ADGB: variants seen among roughly 807,000 people sequenced by gnomAD.
The protein encoded by ADGB is androglobin.
Under a neutral mutation model 210.5 loss-of-function variants are expected in ADGB, and 172 were observed. That is an observed-to-expected ratio of 0.82 (90% CI 0.72 to 0.93). The LOEUF is 0.93. Among genes scored for constraint, ADGB ranks in the 40% least tolerant of loss-of-function variants. ADGB has a pLI of 0.00. For synonymous variants in ADGB, 658 were observed against 662.7 expected (o/e 0.99, Z 0.11); for missense variants, 2,025 against 1,964.8 (o/e 1.03, Z -0.58).
At chr6:146,624,281 CAATTT>C (rs1780941001) in intron 1 of ADGB, among the ~76,000 whole-genome samples, 1 of 151,666 alleles carries the variant, frequency 6.6e-6, no homozygotes, top group African/African-American at 2.4e-5. Flanking sequence ...ATCTCCAATC[CAATTT>C]ATTTCTTCTT....
chr6:146,664,093 A>G, intron 5 of ADGB, 108 bp from the exon 6 acceptor site: 1 of 1,124,782 alleles, frequency 8.9e-7, no homozygotes, highest in Non-Finnish European at 1.2e-6. Context: ...AAGATGCTAA[A>G]ATAAAATTGG....
chr6:146,801,838 A>C lies in ADGB; in HGVS notation c.4645A>C (p.Thr1549Pro). The C allele has an allele frequency of 6.5e-7, 1 of 1,542,736 alleles. No homozygotes were observed. The highest frequency in any genetic ancestry group is 8.7e-7 in the Non-Finnish European group (1 of 1,142,956). The change falls in exon 35 of 36, where the codon ACA (threonine) becomes CCA (proline). Residue 1549 changes from threonine to proline, a missense_variant. By Grantham distance (38) the Thr-to-Pro change is conservative. Transcript: ENST00000397944. ...GACTTTTGTATCAAGGAAAACAGATACAGATCCTCTGCTGCAAACAGATGA... is the reference window on the plus strand; with the variant it reads ...GACTTTTGTATCAAGGAAAACAGATCCAGATCCTCTGCTGCAAACAGATGA... Reference protein sequence around the residue: ...DLSQYVRKTDTDPLLQTDELN... With the variant: ...DLSQYVRKTDPDPLLQTDELN...
rs972630518 is a variant in ADGB, at chr6:146,676,308, G to C, written c.1088-5G>C. The stretch of plus-strand genomic sequence containing the variant: ...AATATTTATTGTGATTTTTTCATAT[G>C]TTAGAGAAAGCAGATGCAAGAGACA... On this transcript the variant is annotated splice_region_variant and splice_polypyrimidine_tract_variant and intron_variant, in intron 8 of 35. Coordinates refer to ENST00000397944, the MANE Select transcript of ADGB (RefSeq NM_024694.4). 3 of 1,538,870 alleles carry C rather than the reference G, an allele frequency of 1.9e-6. No homozygotes were observed. In the East Asian group the frequency reaches 7.4e-5, roughly 38 times the overall value.
intron 1 of ADGB, among the ~76,000 whole-genome samples, chr6:146,620,446 T>A (rs1780871246): frequency 6.6e-6 from 1 of 152,114 alleles, no homozygotes; most frequent in African/African-American, 2.4e-5. Context: ...GTCCCATAAT[T>A]CTTGTAGGTT....
chr6:146,628,647 T>A (rs1781015681), intron 1 of ADGB, among the ~76,000 whole-genome samples: 1 of 152,052 alleles, frequency 6.6e-6, no homozygotes, highest in African/African-American at 2.4e-5. Context: ...TTCTTGCCTC[T>A]GAACTGTCTC....
chr6:146,713,992 CTTAT>C (rs1157273418), intron 13 of ADGB, among the ~76,000 whole-genome samples: 1 of 152,000 alleles, frequency 6.6e-6, no homozygotes, highest in Non-Finnish European at 1.5e-5. Flanking sequence ...GTAGAAGTTT[CTTAT>C]TTGATAGATG....
chr6:146,614,416 ATCCTGTCCTT>A (rs1280625723), intron 1 of ADGB, among the ~76,000 whole-genome samples: 1 of 152,124 alleles, frequency 6.6e-6, no homozygotes, highest in African/African-American at 2.4e-5. Context: ...TAATCCTTTC[ATCCTGTCCTT>A]TCCTGTTATC....
At chr6:146,655,413 C>A (rs78490913) in intron 4 of ADGB, among the ~76,000 whole-genome samples, 1 of 152,108 alleles carries the variant, frequency 6.6e-6, no homozygotes, top group African/African-American at 2.4e-5. Flanking sequence ...CATCTCCCCA[C>A]CTCCTACTCC....
intron 3 of ADGB, among the ~76,000 whole-genome samples, chr6:146,647,093 AAAAACAAAAAAC>A (rs1172104448): frequency 1.4e-5 from 2 of 144,930 alleles, no homozygotes; most frequent in Non-Finnish European, 3.0e-5. Context: ...TGTCTCAAAA[AAAAACAAAAAAC>A]AAAAAACAAA....
intron 29 of ADGB, among the ~76,000 whole-genome samples, chr6:146,770,879 C>T (rs1272921385): frequency 6.6e-6 from 1 of 152,060 alleles, no homozygotes; most frequent in Non-Finnish European, 1.5e-5. Context: ...TACATAAAAA[C>T]ACTTTCGCAC....
At chr6:146,754,704 T>A (rs1001920936) in intron 27 of ADGB, among the ~76,000 whole-genome samples, 13 of 152,074 alleles carry the variant, frequency 8.5e-5, no homozygotes, top group Non-Finnish European at 1.6e-4. Context: ...TTCTGTTAAT[T>A]TCTAATTGAA....
intron 5 of ADGB, among the ~76,000 whole-genome samples, chr6:146,659,327 T>C (rs186950821): frequency 3.3e-5 from 5 of 152,226 alleles, no homozygotes; most frequent in Admixed American, 2.6e-4. Flanking sequence ...ATTCATCTTA[T>C]ACCCTACATT....
intron 19 of ADGB, among the ~76,000 whole-genome samples, chr6:146,726,938 G>C (rs1224105956): frequency 6.6e-6 from 1 of 152,010 alleles, no homozygotes; most frequent in East Asian, 1.9e-4. Context: ...AGCTCAGAAG[G>C]TTCTGTCTCT....
chr6:146,631,516 A>G (rs188179721), intron 1 of ADGB, among the ~76,000 whole-genome samples: 5 of 152,330 alleles, frequency 3.3e-5, no homozygotes, highest in African/African-American at 1.2e-4. Flanking sequence ...CTCTACCTAC[A>G]TATAAAAATT....
intron 9 of ADGB, among the ~76,000 whole-genome samples, chr6:146,681,250 G>A (rs1057177880): frequency 5.9e-5 from 9 of 152,040 alleles, no homozygotes; most frequent in Admixed American, 2.0e-4. Flanking sequence ...AGATCTGGTC[G>A]TTTAAAACTG....
intron 21 of ADGB, among the ~76,000 whole-genome samples, chr6:146,733,645 A>G (rs574766584): frequency 1.2e-4 from 18 of 152,214 alleles, no homozygotes; most frequent in Non-Finnish European, 1.8e-4. Context: ...TTTTGAGAAA[A>G]ATCTCTGGCT....
rs767286309 is a variant in ADGB, at chr6:146,728,764, G to T, written c.2520+23G>T. The T allele has an allele frequency of 6.8e-6, 10 of 1,474,766 alleles. No homozygotes were observed. In the African/African-American group the frequency reaches 1.4e-4, roughly 21 times the overall value. 91.4% of individuals were successfully genotyped at this position (1,474,766 alleles called of 1,614,324 possible). A position where few individuals can be genotyped will look rare whatever the true frequency, so the allele number is the denominator to read the frequency against. On this transcript the variant is annotated intron_variant, in intron 20 of 35. Transcript: ENST00000397944. ...AGGGTAAGCTTGTTTGGGATACAATGTTCAGAAGAGGAAACTTTCTTTTCA... is the reference window on the plus strand; with the variant it reads ...AGGGTAAGCTTGTTTGGGATACAATTTTCAGAAGAGGAAACTTTCTTTTCA...
intron 28 of ADGB, among the ~76,000 whole-genome samples, chr6:146,764,971 C>T (rs1188718051): frequency 1.3e-5 from 2 of 151,886 alleles, no homozygotes; most frequent in Non-Finnish European, 2.9e-5. Flanking sequence ...GACTAATTTT[C>T]TGTATTTTTA....
chr6:146,765,517 T>A (rs1443510866), intron 28 of ADGB, among the ~76,000 whole-genome samples: 1 of 151,822 alleles, frequency 6.6e-6, no homozygotes, highest in East Asian at 1.9e-4. Flanking sequence ...TCATATAGTA[T>A]GTTATCTGAA....
Sources: gnomAD v4.1 joint callset for allele counts (sites outside exome capture counted in the v4.1 genomes callset) on GRCh38, gnomAD v4.1.1 for gene constraint, MANE v1.5 for transcripts, NCBI Gene and HGNC (gene_info 2026-07-23, HGNC 2026-07-21) for gene names.